Variants in PLA2R1 observed in about 807,000 individuals in gnomAD.
PLA2R1 encodes the protein secretory phospholipase A2 receptor.
PLA2R1 carries 158 observed loss-of-function variants against 195.9 expected under a neutral mutation model. The ratio of observed to expected loss-of-function variants is 0.81; its 90% CI spans 0.71 to 0.92. The LOEUF (loss-of-function observed/expected upper bound fraction) is 0.92. Among genes scored for constraint, PLA2R1 ranks in the 40% least tolerant of loss-of-function variants. The pLI, the probability that PLA2R1 is intolerant of heterozygous loss-of-function variation, is 0.00. For missense variants in PLA2R1, 1,626 were observed against 1,764.6 expected, an observed-to-expected ratio of 0.92 and a Z score of 1.41; for synonymous variants, 586 against 598.2, an observed-to-expected ratio of 0.98 and a Z score of 0.30.
chr2:160,039,831 G>C (rs1694409889), intron 3 of PLA2R1, among the ~76,000 whole-genome samples: 1 of 151,968 alleles, frequency 6.6e-6, no homozygotes, highest in South Asian at 2.1e-4. Flanking sequence ...CAAATAGATG[G>C]TCTGGGGAAT....
At chr2:160,023,582 G>A (rs1458901761) in intron 6 of PLA2R1, among the ~76,000 whole-genome samples, 3 of 152,170 alleles carry the variant, frequency 2.0e-5, no homozygotes, top group Non-Finnish European at 2.9e-5. Context: ...GCATATAATC[G>A]AGAAAGAACT....
At chr2:160,053,670 G>T (rs1226983677) in intron 1 of PLA2R1, among the ~76,000 whole-genome samples, 1 of 152,204 alleles carries the variant, frequency 6.6e-6, no homozygotes, top group Non-Finnish European at 1.5e-5. Context: ...CCACTCCCAG[G>T]GCCCAGGCCT....
chr2:160,028,231 A>T lies in PLA2R1; in HGVS notation c.1086T>A (p.Asp362Glu), dbSNP rs1368530471. 5 of 1,591,614 alleles carry T rather than the reference A, an allele frequency of 3.1e-6. No homozygotes were observed. The East Asian group carries it at 6.8e-5, about 22-fold the overall frequency. The part of the protein sequence containing the change: ...YICKKYLNHI[D>E]HEIVEKDAWK... ...AAAAACGCTTACCAACTATTTCATGATCAATGTGGTTTAGATATTTTTTAC... is the reference window on the plus strand; with the variant it reads ...AAAAACGCTTACCAACTATTTCATGTTCAATGTGGTTTAGATATTTTTTAC... Residue 362 changes from aspartate to glutamate, a missense_variant, in exon 6 of 30, where the codon GAT becomes GAA. Coordinates refer to ENST00000283243, the MANE Select transcript of PLA2R1 (RefSeq NM_007366.5).
At chr2:160,043,906 T>C (rs1484700662) in intron 2 of PLA2R1, among the ~76,000 whole-genome samples, 2 of 152,200 alleles carry the variant, frequency 1.3e-5, no homozygotes, top group Admixed American at 6.5e-5. Context: ...TGTGAAAGCA[T>C]AATTCTACAG....
At chr2:160,048,217 T>G (rs1695003709) in intron 1 of PLA2R1, among the ~76,000 whole-genome samples, 1 of 152,202 alleles carries the variant, frequency 6.6e-6, no homozygotes. Flanking sequence ...ACACCAGCAA[T>G]CATAAAAATA....
intron 2 of PLA2R1, among the ~76,000 whole-genome samples, chr2:160,042,800 C>G (rs202026690): frequency 1.7e-5 from 2 of 119,608 alleles, no homozygotes; most frequent in Non-Finnish European, 3.7e-5. Context: ...TGTGTGTGTG[C>G]GTGTGTGTGT....
chr2:160,021,375 G>T (rs575572159), intron 7 of PLA2R1, among the ~76,000 whole-genome samples: 1 of 152,264 alleles, frequency 6.6e-6, no homozygotes, highest in East Asian at 1.9e-4. Flanking sequence ...AATCATGTAA[G>T]TATCCATCAG....
At chr2:160,037,879 T>C (rs1462415435) in intron 3 of PLA2R1, among the ~76,000 whole-genome samples, 2 of 152,246 alleles carry the variant, frequency 1.3e-5, no homozygotes, top group Non-Finnish European at 2.9e-5. Flanking sequence ...TATGACAAAC[T>C]GTAATTATGT....
At position 159,944,901 on chromosome 2, in the gene PLA2R1, C is replaced by T; in HGVS notation, c.4144+5G>A. 1 of 1,604,078 alleles carries T rather than the reference C, an allele frequency of 6.2e-7. No individual in the cohort carries two copies. Among genetic ancestry groups the T allele is most frequent in the Non-Finnish European group, 8.5e-7 (1 of 1,171,706 alleles). ...AATGAAGAATTACTCTCTGACTTTA[C>T]CTACCTGCCTCCATTTTACATATAA... On this transcript the variant is annotated splice_donor_5th_base_variant and intron_variant, in intron 28 of 29. Transcript: ENST00000283243.
downstream of PLA2R1, among the ~76,000 whole-genome samples, chr2:159,929,065 G>T (rs547520858): frequency 5.9e-5 from 9 of 152,248 alleles, no homozygotes; most frequent in African/African-American, 2.2e-4. Context: ...GATAACATTG[G>T]AAAAACCCTT....
intron 24 of PLA2R1, 44 bp from the exon 25 acceptor site, chr2:159,949,820 GGCA>G: frequency 6.6e-7 from 1 of 1,522,112 alleles, no homozygotes; most frequent in South Asian, 1.1e-5. Context: ...CACGACGGCT[GGCA>G]GCATCACCCA....
At chr2:160,030,746 A>C (rs1693803403) in intron 4 of PLA2R1, among the ~76,000 whole-genome samples, 1 of 152,222 alleles carries the variant, frequency 6.6e-6, no homozygotes, top group Admixed American at 6.5e-5. Flanking sequence ...CAGAATTAGC[A>C]AGAAACATTA....
intron 27 of PLA2R1, chr2:159,945,862 T>G: frequency 1.1e-6 from 1 of 909,406 alleles, no homozygotes; most frequent in Non-Finnish European, 1.3e-6. Flanking sequence ...TTAGGTCATT[T>G]AGGTTATCAT....
In PLA2R1 at chr2:160,041,633, A is replaced by G. The variant is rs192865231; in HGVS notation, c.667+392T>C. Among the ~76,000 whole-genome samples, 290 of 152,340 alleles carry G rather than the reference A, an allele frequency of 1.9e-3. 2 individuals carry two copies. Among genetic ancestry groups the G allele is most frequent in the African/African-American group, 6.4e-3 (266 of 41,578 alleles). On this transcript the variant is annotated intron_variant, in intron 3 of 29. Coordinates refer to ENST00000283243, the MANE Select transcript of PLA2R1 (RefSeq NM_007366.5). Reference sequence around the variant, plus strand: ...GAGACAAGCAGCAGCCTGGATGTGGAGAAATTAAAGCAGCTCATAAGAGAT... The same window carrying G: ...GAGACAAGCAGCAGCCTGGATGTGGGGAAATTAAAGCAGCTCATAAGAGAT...
rs906602883 is a variant in PLA2R1 at position 159,946,987 on chromosome 2, A to G, written c.3851-70T>C. ...AAATATACTTTAAAAAATGTTTCCT[A>G]TACTATTAATTGTAAAGCTCAGGTT... On this transcript the variant is annotated intron_variant, in intron 26 of 29. Transcript: ENST00000283243. The G allele has an allele frequency of 3.6e-5, 34 of 945,338 alleles. No individual in the cohort carries two copies. The African/African-American group carries it at 5.5e-4, about 15-fold the overall frequency. The allele number at this position is 945,338 out of a possible 1,614,324, so 58.6% of individuals were successfully genotyped here. A position where few individuals can be genotyped will look rare whatever the true frequency, so the allele number is the denominator to read the frequency against.
At chr2:160,014,430 A>G (rs1441486055) in intron 9 of PLA2R1, among the ~76,000 whole-genome samples, 1 of 152,120 alleles carries the variant, frequency 6.6e-6, no homozygotes, top group East Asian at 1.9e-4. Flanking sequence ...AATGTGCCCG[A>G]TCTCATCTGA....
At chr2:159,961,965 T>C (rs370071945) in intron 20 of PLA2R1, among the ~76,000 whole-genome samples, 2 of 152,198 alleles carry the variant, frequency 1.3e-5, no homozygotes, top group African/African-American at 4.8e-5. Flanking sequence ...ATTCAGGACA[T>C]AGGCATGAGC....
intron 11 of PLA2R1, among the ~76,000 whole-genome samples, chr2:159,997,162 G>A (rs1274312294): frequency 6.6e-6 from 1 of 152,092 alleles, no homozygotes; most frequent in East Asian, 1.9e-4. Flanking sequence ...GTGATGGAAT[G>A]GTAAGGTGTG....
At chr2:159,942,258 C>T in intron 28 of PLA2R1, 99 bp from the exon 29 acceptor site, 1 of 839,362 alleles carries the variant, frequency 1.2e-6, no homozygotes, top group South Asian at 1.5e-5. Context: ...GCCCATGACC[C>T]TATTTTTATA....
Sources: allele counts gnomAD v4.1 joint callset (sites outside exome capture counted in the v4.1 genomes callset), GRCh38; gene constraint gnomAD v4.1.1; transcripts MANE v1.5; gene names NCBI Gene and HGNC (gene_info 2026-07-23, HGNC 2026-07-21).